Variants in B3GALT1 observed in about 807,000 individuals in gnomAD.
The protein encoded by B3GALT1 is beta-1,3-galactosyltransferase 1.
A neutral mutation model predicts 23.2 loss-of-function variants in B3GALT1; 10 were observed. The observed-to-expected ratio is 0.43, with a 90% CI of 0.27 to 0.73. The LOEUF (loss-of-function observed/expected upper bound fraction) is 0.73, where lower values mean the gene tolerates loss of function less well. B3GALT1 is among the 30% of genes least tolerant of loss of function. The probability of loss-of-function intolerance (pLI) is 0.21; values close to 1 mark genes in which losing one functional copy is unlikely to be tolerated. For synonymous variants in B3GALT1, 156 were observed against 141.5 expected, an observed-to-expected ratio of 1.10 and a Z score of -0.73; for missense variants, 299 against 405.4, an observed-to-expected ratio of 0.74 and a Z score of 2.25.
At chr2:167,534,565 T>C (rs1162110668) in intron 2 of B3GALT1, among the ~76,000 whole-genome samples, 1 of 152,146 alleles carries the variant, frequency 6.6e-6, no homozygotes, top group Non-Finnish European at 1.5e-5. Context: ...AATATTTTTC[T>C]AAATTAGGAT....
chr2:167,424,860 C>G (rs997750173), intron 1 of B3GALT1, among the ~76,000 whole-genome samples: 1 of 152,204 alleles, frequency 6.6e-6, no homozygotes, highest in Non-Finnish European at 1.5e-5. Context: ...TTGAAAGTAT[C>G]CCGTTTAGAT....
chr2:167,703,920 A>T (rs145557615), intron 3 of B3GALT1, among the ~76,000 whole-genome samples: 2 of 152,136 alleles, frequency 1.3e-5, no homozygotes, highest in South Asian at 4.2e-4. Flanking sequence ...GGTGGCTCAC[A>T]CCTGTAATCC....
chr2:167,869,910 G>C lies in B3GALT1; in HGVS notation c.871G>C (p.Ala291Pro). Residue 291 changes from alanine to proline, a missense_variant, in exon 5 of 5, where the codon GCC (alanine) becomes CCC (proline). By Grantham distance (27) the Ala-to-Pro change is conservative. Coordinates refer to ENST00000392690, the MANE Select transcript of B3GALT1 (RefSeq NM_020981.4). The surrounding 1 kb of genome is among the most constrained non-coding windows in gnomAD (Gnocchi z 6.4). ...QNSGFNHWKM[A>P]YSLCRYRRVI... is the part of the protein sequence containing the mutation. ...CAGTGGCTTCAATCACTGGAAAATG[G>C]CCTACAGTTTGTGTAGGTATCGCCG... is the stretch of plus-strand genomic sequence containing the variant. 1.9e-6 allele frequency: 3 copies of C among 1,614,162 alleles called. No individual in the cohort carries two copies. Among genetic ancestry groups the C allele is most frequent in the Non-Finnish European group, 2.5e-6 (3 of 1,180,036 alleles).
At chr2:167,584,558 A>G (rs1466749118) in intron 2 of B3GALT1, among the ~76,000 whole-genome samples, 1 of 152,144 alleles carries the variant, frequency 6.6e-6, no homozygotes, top group Admixed American at 6.5e-5. Context: ...TGGAGATAGC[A>G]TCAGTTCCCA....
At chr2:167,450,881 G>T (rs1285412774) in intron 1 of B3GALT1, among the ~76,000 whole-genome samples, 1 of 151,966 alleles carries the variant, frequency 6.6e-6, no homozygotes, top group African/African-American at 2.4e-5. Flanking sequence ...TGGAGGCTTT[G>T]TTCATTTTTT....
chr2:167,447,915 G>A (rs1001718996), intron 1 of B3GALT1, among the ~76,000 whole-genome samples: 6 of 152,106 alleles, frequency 3.9e-5, no homozygotes, highest in East Asian at 3.9e-4. Context: ...TGGAAATGCC[G>A]AAATCACCCA....
chr2:167,498,817 C>G (rs543485863), intron 2 of B3GALT1, among the ~76,000 whole-genome samples: 4 of 151,994 alleles, frequency 2.6e-5, no homozygotes, highest in African/African-American at 4.8e-5. Context: ...TCATGCTGCC[C>G]CTATTAAAAA....
intron 2 of B3GALT1, among the ~76,000 whole-genome samples, chr2:167,612,367 TTTATTATTA>T (rs3062675): frequency 2.3e-3 from 327 of 145,134 alleles, no homozygotes; most frequent in African/African-American, 7.9e-3. Flanking sequence ...TTATTAGGCC[TTTATTATTA>T]TTATTATTAT....
intron 2 of B3GALT1, among the ~76,000 whole-genome samples, chr2:167,610,138 A>G (rs1685034565): frequency 1.3e-5 from 2 of 152,164 alleles, no homozygotes; most frequent in Admixed American, 1.3e-4. Context: ...ATGTTAACTC[A>G]TGATTTAGGA....
In B3GALT1 at chr2:167,346,745, T is replaced by TGTGTG. The variant is rs1383266302; in HGVS notation, c.-511+53412_-511+53413insTGTGG. Among the ~76,000 whole-genome samples, 10 of 35,502 alleles carry TGTGTG rather than the reference T, an allele frequency of 2.8e-4. No individual in the cohort carries two copies. In the South Asian group the frequency reaches 2.9e-3, roughly 10 times the overall value. 23.3% of individuals were successfully genotyped at this position (35,502 alleles called of 152,430 possible). ...AATTTCTGAGTTGTTTGTGTGTGTG[T>TGTGTG]GGGGGGGGGGTGGTGCGTGTGTGTG... is the stretch of plus-strand genomic sequence containing the variant. On this transcript the variant is annotated intron_variant, in intron 1 of 4. Coordinates refer to ENST00000392690, the MANE Select transcript of B3GALT1 (RefSeq NM_020981.4).
At chr2:167,630,820 C>T (rs1171182292) in intron 2 of B3GALT1, among the ~76,000 whole-genome samples, 1 of 151,590 alleles carries the variant, frequency 6.6e-6, no homozygotes, top group Non-Finnish European at 1.5e-5. Flanking sequence ...GAACAGATTC[C>T]AAGAAATACT....
chr2:167,696,709 A>C (rs1686797161), intron 3 of B3GALT1, among the ~76,000 whole-genome samples: 1 of 152,226 alleles, frequency 6.6e-6, no homozygotes, highest in Non-Finnish European at 1.5e-5. Context: ...CTGGGAATCA[A>C]AAGACAAGAA....
At chr2:167,323,971 T>A (rs930982801) in intron 1 of B3GALT1, among the ~76,000 whole-genome samples, 2 of 152,052 alleles carry the variant, frequency 1.3e-5, no homozygotes, top group Admixed American at 1.3e-4. Context: ...ATTTTGAAAT[T>A]TGATCAATGT....
At chr2:167,864,868 CAG>C (rs1008060293) in intron 4 of B3GALT1, among the ~76,000 whole-genome samples, 3 of 151,972 alleles carry the variant, frequency 2.0e-5, no homozygotes, top group Non-Finnish European at 4.4e-5. Flanking sequence ...CCACACAGCA[CAG>C]TGCTTCCTAC....
intron 3 of B3GALT1, among the ~76,000 whole-genome samples, chr2:167,679,625 C>G (rs1251913147): frequency 6.6e-6 from 1 of 152,198 alleles, no homozygotes; most frequent in East Asian, 1.9e-4. Flanking sequence ...AATCAGAGCT[C>G]CCAGTAGTTA....
intron 1 of B3GALT1, among the ~76,000 whole-genome samples, chr2:167,361,343 A>G (rs10167846): frequency 0.036 from 5,492 of 151,388 alleles, 328 homozygotes; most frequent in African/African-American, 0.12. Flanking sequence ...TGTGATGGGG[A>G]GTATATGACC....
chr2:167,865,736 G>C (rs576704067), intron 4 of B3GALT1, among the ~76,000 whole-genome samples: 1 of 152,300 alleles, frequency 6.6e-6, no homozygotes, highest in Admixed American at 6.5e-5. Flanking sequence ...AGTTTGCAGT[G>C]AGCCGAGATT....
intron 2 of B3GALT1, among the ~76,000 whole-genome samples, chr2:167,634,881 G>A (rs146819885): frequency 0.037 from 5,653 of 152,146 alleles, 362 homozygotes; most frequent in African/African-American, 0.13. Context: ...CCAAAACCTG[G>A]CAGAGACACA....
At chr2:167,342,141 G>GT (rs1199328456) in intron 1 of B3GALT1, among the ~76,000 whole-genome samples, 1 of 152,070 alleles carries the variant, frequency 6.6e-6, no homozygotes, top group African/African-American at 2.4e-5. Context: ...ATGGAAAATT[G>GT]TAAGTTTTTT....
Sources: gnomAD v4.1 joint callset for allele counts (sites outside exome capture counted in the v4.1 genomes callset) on GRCh38, gnomAD v4.1.1 for gene constraint, Gnocchi (gnomAD v3.1) non-coding constraint, MANE v1.5 for transcripts, NCBI Gene and HGNC (gene_info 2026-07-23, HGNC 2026-07-21) for gene names.